Variants in GLS observed in about 807,000 individuals in gnomAD.
GLS encodes glutaminase.
In GLS, 36 loss-of-function variants were observed where a neutral mutation model predicts 86.7. That is an observed-to-expected ratio of 0.42 (90% confidence interval 0.32 to 0.55). The LOEUF (loss-of-function observed/expected upper bound fraction) is 0.55, where lower values mean the gene tolerates loss of function less well. GLS is among the 20% of genes least tolerant of loss of function. GLS has a pLI of 0.17. For missense variants in GLS, 528 were observed against 833.4 expected, an observed-to-expected ratio of 0.63 and a Z score of 4.51; for synonymous variants, 317 against 305.9, an observed-to-expected ratio of 1.04 and a Z score of -0.38.
intron 3 of GLS, among the ~76,000 whole-genome samples, chr2:190,900,203 C>T (rs1688892579): frequency 6.6e-6 from 1 of 152,086 alleles, no homozygotes; most frequent in South Asian, 2.1e-4. Context: ...AGATCTCAAC[C>T]TTGGCAGTCT....
Position 190,957,080 on chromosome 2 carries a change from T to C in GLS, c.1853+2262T>C, listed in dbSNP as rs995554117. Reference sequence around the variant, plus strand: ...GACAATTTGACTTCCTCTCTTCCTATTTGAATACCTTTCTTTCTTTCTTTT... The same window carrying C: ...GACAATTTGACTTCCTCTCTTCCTACTTGAATACCTTTCTTTCTTTCTTTT... On this transcript the variant is annotated intron_variant, in intron 17 of 17. Transcript: ENST00000320717. Among the ~76,000 whole-genome samples the C allele has an allele frequency of 2.0e-5, 3 of 150,390 alleles. No individual in the cohort carries two copies. The Admixed American group carries it at 2.1e-4, about 10-fold the overall frequency.
chr2:190,895,197 C>A lies in GLS; in HGVS notation c.432C>A (p.Phe144Leu). The A allele has an allele frequency of 6.4e-7, 1 of 1,556,644 alleles. No homozygotes were observed. The highest frequency in any genetic ancestry group is 8.8e-7 in the Non-Finnish European group (1 of 1,131,198). The part of the protein sequence containing the change: ...GLLPSLEDLL[F>L]YTIAEGQEKI... ...TACCTAGCTTGGAAGATTTGCTGTT[C>A]TATACAATTGCTGAAGGACAAGAGA... Residue 144 changes from phenylalanine to leucine, a missense_variant, in exon 2 of 18, where the codon TTC becomes TTA. By Grantham distance (22) the Phe-to-Leu change is conservative. Around this residue, in one of 4 missense-constraint regions of GLS, gnomAD observed 111 missense variants for 179.5 expected, o/e 0.62. Coordinates refer to ENST00000320717, the MANE Select transcript of GLS (RefSeq NM_014905.5). This position sits in a 1 kb window ranked among gnomAD's most constrained non-coding sequence, Gnocchi z 4.2.
At chr2:190,927,218 G>C in intron 11 of GLS, 88 bp from the exon 12 acceptor site, 5 of 966,262 alleles carry the variant, frequency 5.2e-6, no homozygotes, top group Non-Finnish European at 7.5e-6. Flanking sequence ...TTTCAGATCT[G>C]TATGAAATAC....
chr2:190,880,899 AGC>A lies in GLS; in HGVS notation c.-185_-184del. 1.4e-6 allele frequency: 1 copy of A among 727,646 alleles called. No homozygotes were observed. Among genetic ancestry groups the A allele is most frequent in the South Asian group, 1.5e-5 (1 of 66,154 alleles). The allele number at this position is 727,646 out of a possible 1,614,324, so 45.1% of individuals were successfully genotyped here. ...CAGCAGCAGCAGCAGCAGCAGCAGCAGCAGCAGCAGCAGCAGCAGCACCCGCA... is the reference window on the plus strand; with the variant it reads ...CAGCAGCAGCAGCAGCAGCAGCAGCAAGCAGCAGCAGCAGCAGCACCCGCA... On this transcript the variant is annotated 5_prime_UTR_variant, in exon 1 of 18. Coordinates refer to ENST00000320717, the MANE Select transcript of GLS (RefSeq NM_014905.5).
rs180725727 is a variant in GLS at position 190,909,479 on chromosome 2, C to T, written c.980-784C>T. Among the ~76,000 whole-genome samples the T allele has an allele frequency of 9.9e-5, 15 of 152,236 alleles. No individual in the cohort carries two copies. The East Asian group carries it at 2.9e-3, about 29-fold the overall frequency. On this transcript the variant is annotated intron_variant, in intron 6 of 17. Coordinates refer to ENST00000320717, the MANE Select transcript of GLS (RefSeq NM_014905.5). ...ATCTGGCAATCCCTTCTCCCCCCTC[C>T]CCCACTTCTGGTAACCACCAGGTAG...
Position 190,921,009 on chromosome 2 carries a change from C to CT in GLS, c.1039-13dup, listed in dbSNP as rs774035227. The CT allele has an allele frequency of 3.4e-6, 5 of 1,449,716 alleles. No homozygotes were observed. In the Admixed American group the frequency reaches 5.0e-5, roughly 15 times the overall value. 89.8% of individuals were successfully genotyped at this position (1,449,716 alleles called of 1,614,324 possible). ...TACCTATATTAACGTATTTATGTCT[C>CT]TTATTTTTTTGCAGCAAGGAGTAAA... On this transcript the variant is annotated splice_polypyrimidine_tract_variant and intron_variant, in intron 7 of 17. Coordinates refer to ENST00000320717, the MANE Select transcript of GLS (RefSeq NM_014905.5). The surrounding 1 kb of genome is among the most constrained non-coding windows in gnomAD (Gnocchi z 4.2).
In GLS at chr2:190,924,650, C is replaced by T. The variant is rs1689843421; in HGVS notation, c.1248+57C>T. On this transcript the variant is annotated intron_variant, in intron 11 of 17. Coordinates refer to ENST00000320717, the MANE Select transcript of GLS (RefSeq NM_014905.5). This position sits in a 1 kb window ranked among gnomAD's most constrained non-coding sequence, Gnocchi z 5.2. ...TGGATGTGTCGGCTGGGCACGGTGG[C>T]TCACGCCTGTAATCCCAGCACTTTG... The T allele has an allele frequency of 1.1e-6, 1 of 943,606 alleles. No homozygotes were observed. The highest frequency in any genetic ancestry group is 1.6e-5 in the African/African-American group (1 of 62,318). The allele number at this position is 943,606 out of a possible 1,614,324, so 58.5% of individuals were successfully genotyped here.
chr2:190,923,092 T>C (rs1689797193), intron 9 of GLS, among the ~76,000 whole-genome samples: 1 of 152,194 alleles, frequency 6.6e-6, no homozygotes, highest in African/African-American at 2.4e-5. Flanking sequence ...GCTGCCTAAA[T>C]TCAGGCTTTT....
chr2:190,901,109 A>G (rs547193227), intron 4 of GLS, among the ~76,000 whole-genome samples: 2 of 152,164 alleles, frequency 1.3e-5, no homozygotes, highest in African/African-American at 4.8e-5. Context: ...GGGTAGCTTT[A>G]GTATAATCCA....
At chr2:190,922,256 G>A (rs1272322103) in intron 9 of GLS, among the ~76,000 whole-genome samples, 1 of 152,114 alleles carries the variant, frequency 6.6e-6, no homozygotes, top group Non-Finnish European at 1.5e-5. Flanking sequence ...CTGGTTCCTT[G>A]TCATTAGAAA....
rs1690234600 is a variant in GLS at position 190,935,150 on chromosome 2, ATGT to A, written c.1650+3517_1650+3519del. The A allele has an allele frequency of 2.2e-6, 2 of 923,128 alleles. No individual in the cohort carries two copies. The highest frequency in any genetic ancestry group is 1.8e-5 in the African/African-American group (1 of 56,034). 57.2% of individuals were successfully genotyped at this position (923,128 alleles called of 1,614,324 possible). A position where few individuals can be genotyped will look rare whatever the true frequency, so the allele number is the denominator to read the frequency against. On this transcript the variant is annotated intron_variant, in intron 14 of 17. Transcript: ENST00000320717. This position sits in a 1 kb window ranked among gnomAD's most constrained non-coding sequence, Gnocchi z 4.2. ...TTGAAGTACTTTGTTTTTAGCATAA[ATGT>A]TGTGCATTTTATCTTAGTGTTTGGA...
At chr2:190,907,243 G>GTTTTTT (rs57623604) in intron 6 of GLS, among the ~76,000 whole-genome samples, 1 of 135,144 alleles carries the variant, frequency 7.4e-6, no homozygotes. Flanking sequence ...AATAACAGTA[G>GTTTTTT]TTTTTTTTTT....
intron 14 of GLS, among the ~76,000 whole-genome samples, chr2:190,945,178 C>G (rs1220408131): frequency 6.6e-6 from 1 of 152,122 alleles, no homozygotes; most frequent in Non-Finnish European, 1.5e-5. Flanking sequence ...TGTTTCCTGT[C>G]CTTTAATAAC....
Position 190,928,892 on chromosome 2 carries a change from G to GTTTTTTTTTTTTTTTTTTTTTTTTT in GLS, c.1425+1434_1425+1435insTTTTTTTTTTTTTTTTTTTTTTTTT, listed in dbSNP as rs367999647. On this transcript the variant is annotated intron_variant, in intron 12 of 17. Transcript: ENST00000320717. ...AAATTTGTAGATCCAATTCAGGTGT[G>GTTTTTTTTTTTTTTTTTTTTTTTTT]TTTTTTTTTTTTTTTTTTTTTTTTG... Among the ~76,000 whole-genome samples, 4 of 12,822 alleles carry GTTTTTTTTTTTTTTTTTTTTTTTTT rather than the reference G, an allele frequency of 3.1e-4. 1 individual carries two copies. Among genetic ancestry groups the GTTTTTTTTTTTTTTTTTTTTTTTTT allele is most frequent in the Non-Finnish European group, 4.2e-4 (3 of 7,188 alleles). 8.4% of individuals were successfully genotyped at this position (12,822 alleles called of 152,430 possible). A position where few individuals can be genotyped will look rare whatever the true frequency, so the allele number is the denominator to read the frequency against.
At chr2:190,889,518 G>A (rs1688497165) in intron 1 of GLS, among the ~76,000 whole-genome samples, 1 of 152,166 alleles carries the variant, frequency 6.6e-6, no homozygotes, top group Admixed American at 6.5e-5. Context: ...TTCTGAACAA[G>A]TTGTCTATAG....
intron 1 of GLS, among the ~76,000 whole-genome samples, chr2:190,889,662 G>A (rs978468885): frequency 2.0e-5 from 3 of 152,086 alleles, no homozygotes; most frequent in Non-Finnish European, 4.4e-5. Flanking sequence ...TTATAGACTT[G>A]ATCTCCCCAG....
chr2:190,920,978 T>C lies in GLS; in HGVS notation c.1039-46T>C, dbSNP rs762360567. ...TTGATATTGGCTTGAAACTTAACTG[T>C]AGTGGTACCTATATTAACGTATTTA... On this transcript the variant is annotated intron_variant, in intron 7 of 17. Transcript: ENST00000320717. The surrounding 1 kb of genome is among the most constrained non-coding windows in gnomAD (Gnocchi z 4.2). The C allele has an allele frequency of 9.9e-7, 1 of 1,009,976 alleles. No homozygotes were observed. The highest frequency in any genetic ancestry group is 1.6e-6 in the Non-Finnish European group (1 of 635,236). The allele number at this position is 1,009,976 out of a possible 1,614,324, so 62.6% of individuals were successfully genotyped here. A position where few individuals can be genotyped will look rare whatever the true frequency, so the allele number is the denominator to read the frequency against.
chr2:190,940,825 T>C (rs770673510), intron 14 of GLS, among the ~76,000 whole-genome samples: 1 of 151,934 alleles, frequency 6.6e-6, no homozygotes, highest in Non-Finnish European at 1.5e-5. Context: ...ACCCAACCAA[T>C]ATCCAAGATT....
intron 6 of GLS, 71 bp from the exon 7 acceptor site, chr2:190,910,192 A>G (rs1689308411): frequency 1.1e-6 from 1 of 931,270 alleles, no homozygotes; most frequent in Non-Finnish European, 1.7e-6. Flanking sequence ...TTCCAAGGTC[A>G]TTTTTAGTAT....
Sources: allele counts gnomAD v4.1 joint callset (sites outside exome capture counted in the v4.1 genomes callset), GRCh38; gene constraint gnomAD v4.1.1; regional missense constraint gnomAD v4.1.1; non-coding constraint Gnocchi (gnomAD v3.1); transcripts MANE v1.5; gene names NCBI Gene and HGNC (gene_info 2026-07-23, HGNC 2026-07-21).